The following RANBP3 variants were observed in gnomAD, a reference collection of about 807,000 sequenced individuals.
RANBP3 encodes the protein RAN binding protein 3.
Under a neutral mutation model 77.3 loss-of-function variants are expected in RANBP3, and 14 were observed. The observed-to-expected ratio is 0.18, with a 90% CI of 0.12 to 0.28. The LOEUF (loss-of-function observed/expected upper bound fraction) is 0.28, where lower values mean the gene tolerates loss of function less well. Among genes scored for constraint, RANBP3 ranks in the 10% least tolerant of loss-of-function variants. The probability of loss-of-function intolerance (pLI) is 1.00; values close to 1 mark genes in which losing one functional copy is unlikely to be tolerated. For missense variants in RANBP3, 586 were observed against 752.3 expected (o/e 0.78, Z 2.59); for synonymous variants, 315 against 312.4 (o/e 1.01, Z -0.09).
chr19:5,973,686 G>A (rs759784942), intron 1 of RANBP3, among the ~76,000 whole-genome samples: 34 of 152,206 alleles, frequency 2.2e-4, no homozygotes, highest in Non-Finnish European at 4.0e-4. Context: ...CCCACACAAT[G>A]GAGACTTTGC....
In RANBP3 at chr19:5,951,750, G is replaced by A. The variant is rs1307438257; in HGVS notation, c.79-154C>T. On this transcript the variant is annotated intron_variant, in intron 2 of 16. Transcript: ENST00000340578. The stretch of plus-strand genomic sequence containing the variant: ...GGGGAGAGCAGGCACCTGCTTCTGG[G>A]TTCTGCTCAACAAAACCGGCTCTCC... Among the ~76,000 whole-genome samples the A allele has an allele frequency of 2.0e-5, 3 of 152,212 alleles. No homozygotes were observed. In the South Asian group the frequency reaches 6.2e-4, roughly 32 times the overall value.
intron 1 of RANBP3, among the ~76,000 whole-genome samples, chr19:5,977,833 C>A (rs979599433): frequency 3.3e-5 from 5 of 152,216 alleles, no homozygotes; most frequent in Non-Finnish European, 5.9e-5. Context: ...CCCGGCTCCT[C>A]TAGCCAGACG....
chr19:5,952,870 A>G lies in RANBP3; in HGVS notation c.79-1274T>C, dbSNP rs1316833900. On this transcript the variant is annotated intron_variant, in intron 2 of 16. Transcript: ENST00000340578. This position sits in a 1 kb window ranked among gnomAD's most constrained non-coding sequence, Gnocchi z 4.1. ...AGCCGCTCTCTAAACCTGGCTCTCT[A>G]AACCTGCACAGGGCACCGTGGTTCG... is the stretch of plus-strand genomic sequence containing the variant. Among the ~76,000 whole-genome samples the G allele has an allele frequency of 1.3e-5, 2 of 152,168 alleles. No individual in the cohort carries two copies. Among genetic ancestry groups the G allele is most frequent in the Admixed American group, 6.5e-5 (1 of 15,282 alleles).
At chr19:5,925,169 C>T (rs565163692) in intron 10 of RANBP3, 17 of 529,248 alleles carry the variant, frequency 3.2e-5, no homozygotes, top group African/African-American at 1.1e-4. Flanking sequence ...ATCTCCCAGT[C>T]GGGACACGCT....
rs890420296 is a variant in RANBP3 at position 5,918,026 on chromosome 19, C to T, written c.1474-46G>A. The stretch of plus-strand genomic sequence containing the variant: ...GAGACCCCCGGACCCCAGTCCTACC[C>T]CCTCCTGCCTTCTGCAGAACACAAG... On this transcript the variant is annotated intron_variant, in intron 15 of 16. Coordinates refer to ENST00000340578, the MANE Select transcript of RANBP3 (RefSeq NM_007322.3). 5.2e-6 allele frequency: 8 copies of T among 1,526,614 alleles called. No homozygotes were observed. The African/African-American group carries it at 1.1e-4, about 21-fold the overall frequency. 94.6% of individuals were successfully genotyped at this position (1,526,614 alleles called of 1,614,324 possible).
chr19:5,921,729 C>T lies in RANBP3; in HGVS notation c.1210-408G>A, dbSNP rs988151183. 7.2e-5 allele frequency among the ~76,000 whole-genome samples: 11 copies of T among 152,320 alleles called. No homozygotes were observed. Among genetic ancestry groups the T allele is most frequent in the African/African-American group, 2.6e-4 (11 of 41,570 alleles). On this transcript the variant is annotated intron_variant, in intron 13 of 16. Transcript: ENST00000340578. The surrounding 1 kb of genome is among the most constrained non-coding windows in gnomAD (Gnocchi z 5.3). ...AAGCAATTCCATTCCTCGGTATGTA[C>T]CCAAGAGAAATGGAACATTTGTTCG...
intron 8 of RANBP3, among the ~76,000 whole-genome samples, chr19:5,929,315 T>A (rs2057956110): frequency 6.6e-6 from 1 of 152,214 alleles, no homozygotes; most frequent in African/African-American, 2.4e-5. Context: ...GATGGGCTAA[T>A]CCCCAGCCCC....
chr19:5,917,702 G>A (rs1355202301), intron 16 of RANBP3, 49 bp from the exon 17 acceptor site: 1 of 1,594,166 alleles, frequency 6.3e-7, no homozygotes, highest in Non-Finnish European at 8.5e-7. Context: ...GCACTTCCCA[G>A]GTCTGGCCAC....
At chr19:5,929,832 G>A (rs773702796) in intron 8 of RANBP3, among the ~76,000 whole-genome samples, 14 of 152,234 alleles carry the variant, frequency 9.2e-5, no homozygotes, top group African/African-American at 1.4e-4. Context: ...AGAGGGCAGC[G>A]TGGGTGTGGC....
chr19:5,941,383 A>C (rs772849156), intron 5 of RANBP3, among the ~76,000 whole-genome samples: 4 of 152,122 alleles, frequency 2.6e-5, no homozygotes, highest in Non-Finnish European at 5.9e-5. Flanking sequence ...ATCTCTTCAC[A>C]GTCTTCCTCA....
At chr19:5,943,398 T>A (rs2058164804) in intron 3 of RANBP3, among the ~76,000 whole-genome samples, 1 of 152,212 alleles carries the variant, frequency 6.6e-6, no homozygotes, top group South Asian at 2.1e-4. Flanking sequence ...CATTTTCCCA[T>A]AAAGGGCCAG....
Position 5,932,332 on chromosome 19 carries a change from T to G in RANBP3, c.565+120A>C, listed in dbSNP as rs7253733. ...ATTTAAAGGATCATCTTCCCTGATC[T>G]CTCTGTATTTCTGGTGCATTCAGCA... On this transcript the variant is annotated intron_variant, in intron 7 of 16. Coordinates refer to ENST00000340578, the MANE Select transcript of RANBP3 (RefSeq NM_007322.3). 3.9e-6 allele frequency: 3 copies of G among 764,460 alleles called. No individual in the cohort carries two copies. The African/African-American group carries it at 5.3e-5, about 13-fold the overall frequency. The allele number at this position is 764,460 out of a possible 1,614,324, so 47.4% of individuals were successfully genotyped here. A position where few individuals can be genotyped will look rare whatever the true frequency, so the allele number is the denominator to read the frequency against.
At position 5,952,906 on chromosome 19, in the gene RANBP3, CAT is replaced by C. The variant is rs1259900457; in HGVS notation, c.79-1312_79-1311del. On this transcript the variant is annotated intron_variant, in intron 2 of 16. Transcript: ENST00000340578. The surrounding 1 kb of genome is among the most constrained non-coding windows in gnomAD (Gnocchi z 4.1). ...GGGCACCGTGGTTCGTCCAGCCACC[CAT>C]GTCTGTTGCTACTTGATGGTGAGAG... Among the ~76,000 whole-genome samples the C allele has an allele frequency of 6.6e-6, 1 of 152,262 alleles. No homozygotes were observed. Among genetic ancestry groups the C allele is most frequent in the Middle Eastern group, 3.4e-3 (1 of 292 alleles).
chr19:5,969,615 C>T (rs1324223941), intron 1 of RANBP3, among the ~76,000 whole-genome samples: 3 of 152,220 alleles, frequency 2.0e-5, no homozygotes, highest in Non-Finnish European at 4.4e-5. Flanking sequence ...TGCCCATTAC[C>T]TAGAGTTTAC....
intron 3 of RANBP3, among the ~76,000 whole-genome samples, chr19:5,945,407 G>A (rs1055533591): frequency 6.6e-6 from 1 of 152,172 alleles, no homozygotes; most frequent in East Asian, 1.9e-4. Flanking sequence ...CTTGTGGTTG[G>A]AGCACATACT....
At chr19:5,965,971 G>A (rs139041931) in intron 1 of RANBP3, 1 of 152,316 alleles carries the variant, frequency 6.6e-6, no homozygotes, top group East Asian at 1.9e-4. Flanking sequence ...CCTGTCGGAG[G>A]TGGGCCCGGG....
Position 5,925,744 on chromosome 19 carries a change from A to C in RANBP3, c.814-7T>G. On this transcript the variant is annotated splice_polypyrimidine_tract_variant and splice_region_variant and intron_variant, in intron 9 of 16. Transcript: ENST00000340578. ...CCACGCTCTCATTTATCAGCTGGGAATGAGACGGAGCGCTCAGTAATCGGG... is the reference window on the plus strand; with the variant it reads ...CCACGCTCTCATTTATCAGCTGGGACTGAGACGGAGCGCTCAGTAATCGGG... 2 of 1,592,728 alleles carry C rather than the reference A, an allele frequency of 1.3e-6. No homozygotes were observed. Among genetic ancestry groups the C allele is most frequent in the East Asian group, 2.3e-5 (1 of 43,514 alleles).
chr19:5,967,946 G>A (rs1434375930), intron 1 of RANBP3, among the ~76,000 whole-genome samples: 1 of 152,144 alleles, frequency 6.6e-6, no homozygotes, highest in Non-Finnish European at 1.5e-5. Context: ...GAACCCAGGA[G>A]GTGGAGGTTG....
At chr19:5,929,551 G>A (rs558800609) in intron 8 of RANBP3, among the ~76,000 whole-genome samples, 3 of 152,360 alleles carry the variant, frequency 2.0e-5, no homozygotes, top group South Asian at 4.1e-4. Context: ...AACGAATCCC[G>A]AGGCCTGTAA....
Sources: gnomAD v4.1 joint callset for allele counts (sites outside exome capture counted in the v4.1 genomes callset) on GRCh38, gnomAD v4.1.1 for gene constraint, Gnocchi (gnomAD v3.1) non-coding constraint, MANE v1.5 for transcripts, NCBI Gene and HGNC (gene_info 2026-07-23, HGNC 2026-07-21) for gene names.